The following SLC39A11 variants were observed in gnomAD, a reference collection of about 807,000 sequenced individuals.
SLC39A11 encodes solute carrier family 39 member 11.
In SLC39A11, 33 loss-of-function variants were observed where a neutral mutation model predicts 36.1. The ratio of observed to expected loss-of-function variants is 0.91; its 90% CI spans 0.69 to 1.22. The LOEUF is 1.22. SLC39A11 is among the 50% of genes most tolerant of loss of function. The pLI is 0.00. For synonymous variants in SLC39A11, 166 were observed against 170.3 expected (o/e 0.97, Z 0.20); for missense variants, 432 against 430.3 (o/e 1.00, Z -0.03).
intron 3 of SLC39A11, among the ~76,000 whole-genome samples, chr17:73,071,551 T>C (rs1286247181): frequency 6.6e-6 from 1 of 152,212 alleles, no homozygotes; most frequent in Non-Finnish European, 1.5e-5. Context: ...CCAGAGAGCA[T>C]TCCTCCAGCA....
intron 5 of SLC39A11, among the ~76,000 whole-genome samples, chr17:72,934,558 C>T (rs899392808): frequency 1.3e-4 from 20 of 151,972 alleles, no homozygotes; most frequent in Non-Finnish European, 7.4e-5. Context: ...CCCAGCTACT[C>T]GGGTGGCTGA....
chr17:73,057,634 C>T (rs9910981), intron 3 of SLC39A11, among the ~76,000 whole-genome samples: 2 of 152,302 alleles, frequency 1.3e-5, no homozygotes, highest in East Asian at 3.9e-4. Flanking sequence ...ATTCAGTAAT[C>T]TAGTTAGAAA....
chr17:72,867,431 C>T (rs999298172), intron 5 of SLC39A11, among the ~76,000 whole-genome samples: 32 of 152,034 alleles, frequency 2.1e-4, no homozygotes, highest in Non-Finnish European at 4.1e-4. Context: ...ACCCAGGAGG[C>T]GGAGGTTGCG....
At chr17:72,693,336 A>C (rs1008905801) in intron 7 of SLC39A11, among the ~76,000 whole-genome samples, 2 of 151,664 alleles carry the variant, frequency 1.3e-5, no homozygotes, top group African/African-American at 4.8e-5. Flanking sequence ...ACGGTCTGGG[A>C]AACTTCCTTT....
At chr17:72,903,373 T>C (rs1165946885) in intron 5 of SLC39A11, among the ~76,000 whole-genome samples, 6 of 152,024 alleles carry the variant, frequency 3.9e-5, no homozygotes, top group Non-Finnish European at 7.4e-5. Context: ...CAAAAGCCCA[T>C]TGCAGCCCCT....
intron 4 of SLC39A11, among the ~76,000 whole-genome samples, chr17:72,973,901 C>T (rs1367171134): frequency 6.6e-6 from 1 of 152,002 alleles, no homozygotes; most frequent in African/African-American, 2.4e-5. Flanking sequence ...AAGTTTGTGT[C>T]CTCCCAAAAT....
At position 72,874,312 on chromosome 17, in the gene SLC39A11, G is replaced by T. The variant is rs180860266; in HGVS notation, c.431-24508C>A. On this transcript the variant is annotated intron_variant, in intron 5 of 9. Transcript: ENST00000255559. The stretch of plus-strand genomic sequence containing the variant: ...TGCTCCAAAGCAAAGAGAAAATCCA[G>T]AGTCCACTCTGGGTTTCCTGCCCGA... Among the ~76,000 whole-genome samples the T allele has an allele frequency of 2.2e-3, 338 of 152,266 alleles. 2 individuals carry two copies. Among genetic ancestry groups the T allele is most frequent in the African/African-American group, 7.7e-3 (320 of 41,566 alleles).
chr17:72,845,855 A>T (rs1393929442), intron 6 of SLC39A11, among the ~76,000 whole-genome samples: 1 of 152,154 alleles, frequency 6.6e-6, no homozygotes, highest in African/African-American at 2.4e-5. Flanking sequence ...CTTCTGGTGA[A>T]ATCTAACTCA....
At chr17:72,885,036 G>T (rs2146617673) in intron 5 of SLC39A11, among the ~76,000 whole-genome samples, 1 of 152,304 alleles carries the variant, frequency 6.6e-6, no homozygotes, top group South Asian at 2.1e-4. Flanking sequence ...AATGATTTGT[G>T]TCTATGTTTC....
intron 3 of SLC39A11, among the ~76,000 whole-genome samples, chr17:73,070,836 C>T (rs2060141459): frequency 6.6e-6 from 1 of 152,170 alleles, no homozygotes; most frequent in Non-Finnish European, 1.5e-5. Context: ...ACATGCCTTT[C>T]ACTTTCTGCC....
intron 7 of SLC39A11, among the ~76,000 whole-genome samples, chr17:72,727,298 C>T (rs985706587): frequency 6.6e-6 from 1 of 152,194 alleles, no homozygotes; most frequent in African/African-American, 2.4e-5. Context: ...CAAGCACATA[C>T]GGTCTGAAGA....
rs374005673 is a variant in SLC39A11, at chr17:72,710,802, C to T, written c.671+25848G>A. On this transcript the variant is annotated intron_variant, in intron 7 of 9. Coordinates refer to ENST00000255559, the MANE Select transcript of SLC39A11 (RefSeq NM_139177.4). ...GATTTTTCTTCCTCCACCTCCACTA[C>T]TGGCTTTAAAATTAGGGGAAATTCT... 2.6e-5 allele frequency among the ~76,000 whole-genome samples: 4 copies of T among 152,182 alleles called. No individual in the cohort carries two copies. In the East Asian group the frequency reaches 7.7e-4, roughly 29 times the overall value.
chr17:72,971,317 TACAC>T (rs533324650), intron 4 of SLC39A11, among the ~76,000 whole-genome samples: 9 of 144,542 alleles, frequency 6.2e-5, no homozygotes, highest in Non-Finnish European at 1.1e-4. Context: ...CACACACACA[TACAC>T]ACACACACAC....
intron 6 of SLC39A11, among the ~76,000 whole-genome samples, chr17:72,825,196 G>T (rs2077966370): frequency 7.1e-6 from 1 of 140,744 alleles, no homozygotes; most frequent in African/African-American, 2.5e-5. Flanking sequence ...ACAACATTGG[G>T]ACACTGCTCC....
intron 3 of SLC39A11, among the ~76,000 whole-genome samples, chr17:73,067,101 T>C (rs917527029): frequency 6.6e-6 from 1 of 152,216 alleles, no homozygotes; most frequent in Non-Finnish European, 1.5e-5. Flanking sequence ...AGACTAAAAG[T>C]TCTCTCCGCA....
chr17:72,826,849 A>T (rs887529459), intron 6 of SLC39A11, among the ~76,000 whole-genome samples: 2 of 152,184 alleles, frequency 1.3e-5, no homozygotes, highest in African/African-American at 4.8e-5. Flanking sequence ...GCAGATAATA[A>T]CAAGTGTTGG....
intron 3 of SLC39A11, among the ~76,000 whole-genome samples, chr17:73,074,047 G>GAA (rs759340139): frequency 6.0e-5 from 8 of 132,234 alleles, no homozygotes; most frequent in Admixed American, 2.3e-4. Flanking sequence ...CAGTAAGATG[G>GAA]AAAAAAAAAA....
chr17:72,976,844 G>C (rs1320619367), intron 4 of SLC39A11, among the ~76,000 whole-genome samples: 3 of 150,548 alleles, frequency 2.0e-5, no homozygotes, highest in Non-Finnish European at 4.4e-5. Flanking sequence ...GCAAGACTCC[G>C]TCTCAAAAAA....
At chr17:73,084,981 G>T in intron 2 of SLC39A11, 135 bp from the exon 3 acceptor site, 1 of 861,912 alleles carries the variant, frequency 1.2e-6, no homozygotes. Context: ...GAGCTACTCA[G>T]TTTATACCAT....
Sources: gnomAD v4.1 joint callset for allele counts (sites outside exome capture counted in the v4.1 genomes callset) on GRCh38, gnomAD v4.1.1 for gene constraint, MANE v1.5 for transcripts, NCBI Gene and HGNC (gene_info 2026-07-23, HGNC 2026-07-21) for gene names.